The following FHIT variants were observed in gnomAD, a reference collection of about 807,000 sequenced individuals.
The protein encoded by FHIT is fragile histidine triad diadenosine triphosphatase.
Under a neutral mutation model 17.9 loss-of-function variants are expected in FHIT, and 19 were observed. That is an observed-to-expected ratio of 1.06 (90% CI 0.74 to 1.56). The LOEUF (loss-of-function observed/expected upper bound fraction) is 1.56, where lower values mean the gene tolerates loss of function less well. Ranked by LOEUF, FHIT falls within the 40% of genes most tolerant of loss-of-function variation. The pLI is 0.00. For synonymous variants in FHIT, 81 were observed against 69.7 expected, an observed-to-expected ratio of 1.16 and a Z score of -0.81; for missense variants, 248 against 189.2, an observed-to-expected ratio of 1.31 and a Z score of -1.82.
At chr3:60,833,731 A>G (rs1702417505) in intron 3 of FHIT, among the ~76,000 whole-genome samples, 1 of 152,170 alleles carries the variant, frequency 6.6e-6, no homozygotes, top group South Asian at 2.1e-4. Context: ...ACACATTCAA[A>G]ACACAGAATG....
chr3:60,279,265 T>C (rs530128864), intron 5 of FHIT, among the ~76,000 whole-genome samples: 1 of 152,158 alleles, frequency 6.6e-6, no homozygotes, highest in Non-Finnish European at 1.5e-5. Context: ...AACAACTCTG[T>C]GATCTCAAAT....
intron 5 of FHIT, among the ~76,000 whole-genome samples, chr3:60,025,768 A>C (rs1700719867): frequency 1.3e-5 from 2 of 151,914 alleles, no homozygotes; most frequent in African/African-American, 4.8e-5. Context: ...GAAAACTTTC[A>C]GCAGCAAGTG....
chr3:61,168,664 C>A (rs974247794), intron 2 of FHIT, among the ~76,000 whole-genome samples: 1 of 152,192 alleles, frequency 6.6e-6, no homozygotes, highest in Non-Finnish European at 1.5e-5. Context: ...CTGAAGAATG[C>A]GAATTTAGTT....
chr3:60,141,384 TAA>T (rs34364126), intron 5 of FHIT, among the ~76,000 whole-genome samples: 411 of 128,024 alleles, frequency 3.2e-3, no homozygotes, highest in South Asian at 9.5e-3. Flanking sequence ...TGATGCCCAT[TAA>T]AAAAAAAAAA....
chr3:61,236,860 A>T (rs2040242083), intron 1 of FHIT, among the ~76,000 whole-genome samples: 1 of 152,206 alleles, frequency 6.6e-6, no homozygotes, highest in African/African-American at 2.4e-5. Flanking sequence ...TCAGAGTAGC[A>T]GCAACATGAC....
intron 4 of FHIT, among the ~76,000 whole-genome samples, chr3:60,610,523 C>A (rs888893667): frequency 6.6e-6 from 1 of 152,024 alleles, no homozygotes. Flanking sequence ...AACATGGGTG[C>A]GATAGGTTCC....
intron 5 of FHIT, among the ~76,000 whole-genome samples, chr3:60,384,231 G>T (rs556172839): frequency 6.7e-6 from 1 of 150,086 alleles, no homozygotes; most frequent in Admixed American, 6.6e-5. Flanking sequence ...TCACACCACT[G>T]CACTCCAGCC....
Position 60,358,918 on chromosome 3 carries a change from T to C in FHIT, c.103+177942A>G, listed in dbSNP as rs529222507. Among the ~76,000 whole-genome samples, 157 of 152,338 alleles carry C rather than the reference T, an allele frequency of 1.0e-3. 2 individuals carry two copies. Among genetic ancestry groups the C allele is most frequent in the African/African-American group, 3.7e-3 (152 of 41,570 alleles). On this transcript the variant is annotated intron_variant, in intron 5 of 9. Coordinates refer to ENST00000492590, the MANE Select transcript of FHIT (RefSeq NM_002012.4). Reference sequence around the variant, plus strand: ...GAAGATTTATATTAAATAATGTGTGTTGTAAATGCTCAATAAATGGTAGAT... The same window carrying C: ...GAAGATTTATATTAAATAATGTGTGCTGTAAATGCTCAATAAATGGTAGAT...
chr3:60,323,216 G>A (rs1709512535), intron 5 of FHIT, among the ~76,000 whole-genome samples: 1 of 151,818 alleles, frequency 6.6e-6, no homozygotes. Flanking sequence ...GACACCACCG[G>A]GAATCACTGT....
At chr3:61,204,520 G>C (rs914616150) in intron 1 of FHIT, among the ~76,000 whole-genome samples, 1 of 152,188 alleles carries the variant, frequency 6.6e-6, no homozygotes, top group Non-Finnish European at 1.5e-5. Flanking sequence ...TGAAATGGAA[G>C]GGAGAAAGAA....
intron 3 of FHIT, among the ~76,000 whole-genome samples, chr3:60,825,410 G>A (rs1180751569): frequency 6.6e-6 from 1 of 152,186 alleles, no homozygotes; most frequent in African/African-American, 2.4e-5. Flanking sequence ...GTCATGGGCA[G>A]AAAAGCAACA....
intron 2 of FHIT, among the ~76,000 whole-genome samples, chr3:61,128,616 TC>T (rs1315624921): frequency 6.6e-6 from 1 of 152,086 alleles, no homozygotes; most frequent in Non-Finnish European, 1.5e-5. Flanking sequence ...GAAATGATTA[TC>T]CCCCAAAAGC....
At chr3:60,295,313 A>T (rs12629886) in intron 5 of FHIT, among the ~76,000 whole-genome samples, 88,420 of 151,922 alleles carry the variant, frequency 0.58, 27,192 homozygotes, top group East Asian at 0.95. Flanking sequence ...CAAAGAAAAA[A>T]GGTTTATTTG....
intron 3 of FHIT, among the ~76,000 whole-genome samples, chr3:60,824,885 A>G (rs1307083238): frequency 6.6e-6 from 1 of 152,204 alleles, no homozygotes; most frequent in Non-Finnish European, 1.5e-5. Flanking sequence ...CTGTAAGTCC[A>G]TTAAACTTCT....
At chr3:60,009,299 A>G (rs1421965181) in intron 7 of FHIT, among the ~76,000 whole-genome samples, 1 of 151,608 alleles carries the variant, frequency 6.6e-6, no homozygotes, top group Non-Finnish European at 1.5e-5. Context: ...TCATATCAGG[A>G]AACTTCTGTG....
chr3:60,141,570 A>G (rs1382515009), intron 5 of FHIT, among the ~76,000 whole-genome samples: 1 of 152,138 alleles, frequency 6.6e-6, no homozygotes, highest in East Asian at 1.9e-4. Context: ...AATTCCTAAA[A>G]TCTGTCAGTG....
intron 5 of FHIT, among the ~76,000 whole-genome samples, chr3:60,174,284 A>G (rs960103674): frequency 1.6e-4 from 25 of 152,120 alleles, no homozygotes; most frequent in African/African-American, 6.0e-4. Context: ...ACAAAAATGC[A>G]GTGTCCTTGG....
intron 3 of FHIT, among the ~76,000 whole-genome samples, chr3:60,947,012 C>T (rs1348526042): frequency 2.0e-5 from 3 of 152,148 alleles, no homozygotes; most frequent in Non-Finnish European, 4.4e-5. Flanking sequence ...TACTGGCTAA[C>T]AAATTGGATG....
intron 1 of FHIT, among the ~76,000 whole-genome samples, chr3:61,204,516 G>A (rs1054920819): frequency 6.6e-6 from 1 of 152,098 alleles, no homozygotes; most frequent in Admixed American, 6.6e-5. Context: ...ACATTGAAAT[G>A]GAAGGGAGAA....
Sources: gnomAD v4.1 joint callset for allele counts (sites outside exome capture counted in the v4.1 genomes callset) on GRCh38, gnomAD v4.1.1 for gene constraint, MANE v1.5 for transcripts, NCBI Gene and HGNC (gene_info 2026-07-23, HGNC 2026-07-21) for gene names.